The following SNTG1 variants were observed in gnomAD, a reference collection of about 807,000 sequenced individuals.
SNTG1 encodes syntrophin gamma 1, also known as gamma-1-syntrophin.
A neutral mutation model predicts 74.7 loss-of-function variants in SNTG1; 39 were observed. The ratio of observed to expected loss-of-function variants is 0.52; its 90% CI spans 0.40 to 0.68. The LOEUF (loss-of-function observed/expected upper bound fraction) is 0.68, where lower values mean the gene tolerates loss of function less well. Among genes scored for constraint, SNTG1 ranks in the 30% least tolerant of loss-of-function variants. SNTG1 has a pLI of 0.00. For synonymous variants in SNTG1, 254 were observed against 217.1 expected (o/e 1.17, Z -1.49); for missense variants, 685 against 609.5 (o/e 1.12, Z -1.30).
intron 2 of SNTG1, among the ~76,000 whole-genome samples, chr8:50,209,474 A>C (rs890612978): frequency 3.3e-5 from 5 of 152,182 alleles, no homozygotes; most frequent in Admixed American, 6.5e-5. Flanking sequence ...ACCTCCCAGT[A>C]GGGGCCGACT....
At chr8:50,516,611 G>A (rs1307823718) in intron 9 of SNTG1, among the ~76,000 whole-genome samples, 1 of 152,110 alleles carries the variant, frequency 6.6e-6, no homozygotes, top group Non-Finnish European at 1.5e-5. Flanking sequence ...TGACCTGATG[G>A]AGCTGAAAAA....
At chr8:50,008,047 C>T (rs1003481682) in intron 1 of SNTG1, among the ~76,000 whole-genome samples, 7 of 152,092 alleles carry the variant, frequency 4.6e-5, no homozygotes, top group South Asian at 2.1e-4. Flanking sequence ...ACCCCCTCAC[C>T]GGGTCCCTCC....
chr8:50,406,435 C>A (rs149347394), intron 4 of SNTG1, among the ~76,000 whole-genome samples: 3 of 151,844 alleles, frequency 2.0e-5, no homozygotes, highest in African/African-American at 2.4e-5. Context: ...TAGTTTATTG[C>A]GGAATGTTTA....
chr8:50,648,804 G>C (rs1262970424), intron 13 of SNTG1, among the ~76,000 whole-genome samples: 1 of 152,058 alleles, frequency 6.6e-6, no homozygotes. Flanking sequence ...GTTAGCCATT[G>C]TGCTGCCTGC....
intron 1 of SNTG1, among the ~76,000 whole-genome samples, chr8:50,069,162 G>C (rs890815918): frequency 1.3e-5 from 2 of 152,136 alleles, no homozygotes; most frequent in Non-Finnish European, 2.9e-5. Context: ...AAGTATCCAA[G>C]AACAGAAAAA....
intron 2 of SNTG1, among the ~76,000 whole-genome samples, chr8:50,243,711 A>G (rs2086266967): frequency 6.6e-6 from 1 of 152,058 alleles, no homozygotes; most frequent in South Asian, 2.1e-4. Context: ...TGTTCCATGG[A>G]CATACACACA....
At chr8:50,671,171 A>C (rs1377766265) in intron 15 of SNTG1, among the ~76,000 whole-genome samples, 3 of 152,102 alleles carry the variant, frequency 2.0e-5, no homozygotes, top group African/African-American at 7.3e-5. Context: ...AGCAATGGCA[A>C]CAAAAGCCAA....
intron 2 of SNTG1, among the ~76,000 whole-genome samples, chr8:50,210,035 G>T (rs1563744452): frequency 6.6e-6 from 1 of 152,176 alleles, no homozygotes; most frequent in Non-Finnish European, 1.5e-5. Flanking sequence ...GACCTTAAAT[G>T]AACTCATGGA....
At chr8:50,473,322 G>A (rs1348668952) in intron 8 of SNTG1, among the ~76,000 whole-genome samples, 7 of 151,898 alleles carry the variant, frequency 4.6e-5, no homozygotes, top group Admixed American at 3.3e-4. Flanking sequence ...AAATTCCTGA[G>A]GGCTCCCTAG....
rs1310671713 is a variant in SNTG1 at position 50,215,051 on chromosome 8, C to T, written c.-28+42416C>T. Among the ~76,000 whole-genome samples the T allele has an allele frequency of 2.6e-5, 4 of 152,024 alleles. No homozygotes were observed. In the East Asian group the frequency reaches 5.8e-4, roughly 22 times the overall value. ...ATCAAAATGCTGTAGACTGAGTTTG[C>T]TTTGCAGGGTGGGTTCTCATCTTGG... On this transcript the variant is annotated intron_variant, in intron 2 of 18. Coordinates refer to ENST00000642720, the MANE Select transcript of SNTG1 (RefSeq NM_018967.5).
Position 50,792,762 on chromosome 8 carries a change from G to A in SNTG1, c.1487G>A (p.Gly496Asp). 6.2e-7 allele frequency: 1 copy of A among 1,612,336 alleles called. No individual in the cohort carries two copies. Among genetic ancestry groups the A allele is most frequent in the Non-Finnish European group, 8.5e-7 (1 of 1,178,946 alleles). The change falls in exon 19 of 19, where the codon GGC becomes GAC. Residue 496 changes from glycine (G) to aspartate (D), a missense_variant. Gly to Asp is a moderately conservative substitution (Grantham distance 94). Transcript: ENST00000642720. ...KVACLDPLFL[G>D]NQATASTAAS... Reference sequence around the variant, plus strand: ...GCTTGTTTGGACCCTCTATTTTTAGGCAATCAAGCTACTGCTTCTACTGCT... The same window carrying A: ...GCTTGTTTGGACCCTCTATTTTTAGACAATCAAGCTACTGCTTCTACTGCT...
intron 8 of SNTG1, among the ~76,000 whole-genome samples, chr8:50,486,862 C>T (rs867723267): frequency 2.0e-5 from 3 of 151,972 alleles, no homozygotes; most frequent in Non-Finnish European, 2.9e-5. Flanking sequence ...TAGCATGAAG[C>T]GTTGTTGAAT....
chr8:50,379,221 C>T (rs2092440326), intron 2 of SNTG1, among the ~76,000 whole-genome samples: 3 of 152,212 alleles, frequency 2.0e-5, no homozygotes, highest in African/African-American at 7.2e-5. Context: ...TGGGCTTCGA[C>T]GGCATCTGGG....
intron 2 of SNTG1, among the ~76,000 whole-genome samples, chr8:50,180,589 T>C (rs944745480): frequency 6.6e-6 from 1 of 151,892 alleles, no homozygotes; most frequent in Non-Finnish European, 1.5e-5. Context: ...CAAGAGAAAA[T>C]GGGAGAAAAC....
intron 12 of SNTG1, among the ~76,000 whole-genome samples, chr8:50,582,041 C>T (rs1026429746): frequency 6.6e-6 from 1 of 152,160 alleles, no homozygotes; most frequent in Non-Finnish European, 1.5e-5. Flanking sequence ...TTCATGTCTT[C>T]CCAGCCCTAT....
At chr8:50,618,993 A>T (rs549856308) in intron 13 of SNTG1, among the ~76,000 whole-genome samples, 1 of 152,062 alleles carries the variant, frequency 6.6e-6, no homozygotes, top group East Asian at 1.9e-4. Flanking sequence ...CACTATAAAC[A>T]TGCATTTTCC....
At chr8:50,599,887 AG>A (rs2094760152) in intron 13 of SNTG1, among the ~76,000 whole-genome samples, 2 of 152,230 alleles carry the variant, frequency 1.3e-5, no homozygotes, top group South Asian at 4.1e-4. Flanking sequence ...ATCCAGACAA[AG>A]ATGCTTTCAA....
rs533212062 is a variant in SNTG1, at chr8:49,919,704, T to TA, written c.-103+7480dup. On this transcript the variant is annotated intron_variant, in intron 1 of 18. Coordinates refer to ENST00000642720, the MANE Select transcript of SNTG1 (RefSeq NM_018967.5). ...AAGTGGATTAAAAAATCATTGGGGA[T>TA]AAAAAAATAGTTATTCCAGAACAGT... Among the ~76,000 whole-genome samples, 14 of 152,166 alleles carry TA rather than the reference T, an allele frequency of 9.2e-5. 1 individual carries two copies. The highest frequency in any genetic ancestry group is 2.6e-4 in the Admixed American group (4 of 15,284).
chr8:50,394,416 T>G, intron 3 of SNTG1, 151 bp downstream of exon 3: 4 of 713,546 alleles, frequency 5.6e-6, no homozygotes, highest in Non-Finnish European at 9.1e-6. Flanking sequence ...GTTCTCCTTC[T>G]GCAAAGATAG....
Sources: allele counts gnomAD v4.1 joint callset (sites outside exome capture counted in the v4.1 genomes callset), GRCh38; gene constraint gnomAD v4.1.1; transcripts MANE v1.5; gene names NCBI Gene and HGNC (gene_info 2026-07-23, HGNC 2026-07-21).